Variants in ANXA6 observed in about 807,000 individuals in gnomAD.
ANXA6 encodes 67 kDa calelectrin.
A neutral mutation model predicts 95.4 loss-of-function variants in ANXA6; 71 were observed. The observed-to-expected ratio is 0.74, with a 90% CI of 0.61 to 0.91. The LOEUF (loss-of-function observed/expected upper bound fraction) is 0.91, where lower values mean the gene tolerates loss of function less well. Among genes scored for constraint, ANXA6 ranks in the 40% least tolerant of loss-of-function variants. The probability of loss-of-function intolerance (pLI) is 0.00; values close to 1 mark genes in which losing one functional copy is unlikely to be tolerated. For synonymous variants in ANXA6, 289 were observed against 315.9 expected, an observed-to-expected ratio of 0.91 and a Z score of 0.90; for missense variants, 830 against 876.4, an observed-to-expected ratio of 0.95 and a Z score of 0.67.
At position 151,108,313 on chromosome 5, in the gene ANXA6, A is replaced by T. The variant is rs1764754804; in HGVS notation, c.1780+142T>A. ...TCATGACATTCCTGCACAATCACAC[A>T]TTTGGCAGCACCCCTGGAGGCGAAC... On this transcript the variant is annotated intron_variant, in intron 23 of 25. Transcript: ENST00000354546. The T allele has an allele frequency of 4.0e-6, 3 of 742,096 alleles. No homozygotes were observed. The African/African-American group carries it at 5.2e-5, about 13-fold the overall frequency. 46.0% of individuals were successfully genotyped at this position (742,096 alleles called of 1,614,324 possible). A position where few individuals can be genotyped will look rare whatever the true frequency, so the allele number is the denominator to read the frequency against.
chr5:151,115,561 A>T (rs533710436), intron 20 of ANXA6, among the ~76,000 whole-genome samples: 1 of 152,204 alleles, frequency 6.6e-6, no homozygotes, highest in Admixed American at 6.5e-5. Flanking sequence ...TCCCTGGAAG[A>T]TCAATTCAGG....
At chr5:151,117,981 G>A (rs1765052836) in intron 18 of ANXA6, 144 bp from the exon 19 acceptor site, 1 of 646,444 alleles carries the variant, frequency 1.5e-6, no homozygotes, top group Non-Finnish European at 2.8e-6. Flanking sequence ...TGGCTCATGG[G>A]GGCATCCAGC....
chr5:151,109,907 T>C lies in ANXA6; in HGVS notation c.1591-61A>G, dbSNP rs1318178424. The C allele has an allele frequency of 1.0e-5, 13 of 1,295,548 alleles. No individual in the cohort carries two copies. The East Asian group carries it at 3.0e-4, about 30-fold the overall frequency. 80.3% of individuals were successfully genotyped at this position (1,295,548 alleles called of 1,614,324 possible). Reference sequence around the variant, plus strand: ...GGAGACATGAGAAAGCCTTGGTTATTATTCACTTTCATGTCTTTGCCTGGG... The same window carrying C: ...GGAGACATGAGAAAGCCTTGGTTATCATTCACTTTCATGTCTTTGCCTGGG... On this transcript the variant is annotated intron_variant, in intron 21 of 25. Transcript: ENST00000354546.
rs550577378 is a variant in ANXA6 at position 151,129,835 on chromosome 5, T to C, written c.796-306A>G. Among the ~76,000 whole-genome samples the C allele has an allele frequency of 4.5e-3, 685 of 152,146 alleles. 8 individuals carry two copies. The highest frequency in any genetic ancestry group is 0.015 in the African/African-American group (630 of 41,528). ...AAGCAATTCTCCTGCCTCAGCTTCC[T>C]GAGCAGCTGGGAGTACAGGTACCCA... On this transcript the variant is annotated intron_variant, in intron 11 of 25. Coordinates refer to ENST00000354546, the MANE Select transcript of ANXA6 (RefSeq NM_001155.5).
chr5:151,140,389 G>A (rs1582012923), intron 2 of ANXA6, 146 bp from the exon 3 acceptor site: 1 of 693,086 alleles, frequency 1.4e-6, no homozygotes, highest in East Asian at 2.7e-5. Context: ...ACCCTGGGGA[G>A]CGGTGTGGAT....
At chr5:151,154,346 A>T (rs1766182412) in intron 1 of ANXA6, among the ~76,000 whole-genome samples, 1 of 149,812 alleles carries the variant, frequency 6.7e-6, no homozygotes, top group African/African-American at 2.5e-5. Flanking sequence ...TCCCATACAC[A>T]ACCCATAACC....
chr5:151,144,050 G>T (rs898534717), intron 2 of ANXA6, among the ~76,000 whole-genome samples: 3 of 152,176 alleles, frequency 2.0e-5, no homozygotes, highest in African/African-American at 7.2e-5. Flanking sequence ...TAGAAGCGGG[G>T]AAGGCAAAGA....
At chr5:151,154,321 ATATATATATATT>A (rs934421428) in intron 1 of ANXA6, among the ~76,000 whole-genome samples, 7 of 86,326 alleles carry the variant, frequency 8.1e-5, no homozygotes, top group African/African-American at 2.4e-4. Context: ...ATATATATAT[ATATATATATATT>A]GATCCCATAC....
chr5:151,122,217 G>A lies in ANXA6; in HGVS notation c.1277C>T (p.Ala426Val). 1 of 1,605,120 alleles carries A rather than the reference G, an allele frequency of 6.2e-7. No individual in the cohort carries two copies. The highest frequency in any genetic ancestry group is 8.5e-7 in the Non-Finnish European group (1 of 1,176,762). ...CATCATGAGCCCCAGAATCAGCCTT[G>A]CCAGGTCTCCAGAGATCTCAGACTT... ...DLKSEISGDL[A>V]RLILGLMMPP... Residue 426 changes from alanine (A) to valine (V), a missense_variant, in exon 17 of 26, where the codon GCA becomes GTA. Physicochemically the swap from Ala to Val is moderately conservative, Grantham distance 64 (BLOSUM62 0). Coordinates refer to ENST00000354546, the MANE Select transcript of ANXA6 (RefSeq NM_001155.5).
rs757796274 is a variant in ANXA6 at position 151,136,232 on chromosome 5, G to T, written c.489+24C>A. Reference sequence around the variant, plus strand: ...ACAAAAGCTATCCCAAGCTCCAGAGGAAAAAAATAGGCTGTGAACCAACCT... The same window carrying T: ...ACAAAAGCTATCCCAAGCTCCAGAGTAAAAAAATAGGCTGTGAACCAACCT... On this transcript the variant is annotated intron_variant, in intron 7 of 25. Coordinates refer to ENST00000354546, the MANE Select transcript of ANXA6 (RefSeq NM_001155.5). 1.4e-5 allele frequency: 22 copies of T among 1,612,264 alleles called. No individual in the cohort carries two copies. In the South Asian group the frequency reaches 2.3e-4, roughly 17 times the overall value.
chr5:151,142,785 G>A (rs2113950432), intron 2 of ANXA6, among the ~76,000 whole-genome samples: 1 of 152,330 alleles, frequency 6.6e-6, no homozygotes, highest in South Asian at 2.1e-4. Flanking sequence ...AGACCTCCCT[G>A]GCACTGGATC....
chr5:151,153,940 C>A (rs1766169757), intron 1 of ANXA6, among the ~76,000 whole-genome samples: 3 of 152,126 alleles, frequency 2.0e-5, no homozygotes, highest in Admixed American at 2.0e-4. Context: ...CTCTTTCCTG[C>A]ACCCCCTCCC....
chr5:151,105,693 A>C (rs1764677839), intron 23 of ANXA6, among the ~76,000 whole-genome samples: 1 of 152,198 alleles, frequency 6.6e-6, no homozygotes. Context: ...AGATTTTGGA[A>C]AGATTTTGAG....
At chr5:151,140,904 G>C (rs566506252) in intron 2 of ANXA6, among the ~76,000 whole-genome samples, 1 of 151,844 alleles carries the variant, frequency 6.6e-6, no homozygotes, top group East Asian at 1.9e-4. Context: ...CTCCAGCCCC[G>C]CTCTGCTCTC....
At chr5:151,127,021 G>C (rs1765344672) in intron 13 of ANXA6, among the ~76,000 whole-genome samples, 1 of 152,238 alleles carries the variant, frequency 6.6e-6, no homozygotes, top group South Asian at 2.1e-4. Context: ...TCCGGCCAAT[G>C]CTGGCTTTTA....
intron 18 of ANXA6, among the ~76,000 whole-genome samples, chr5:151,118,303 A>G (rs909942372): frequency 2.0e-5 from 3 of 150,132 alleles, no homozygotes; most frequent in African/African-American, 7.4e-5. Flanking sequence ...TCTGTCACCC[A>G]GGCTGGAGTG....
At chr5:151,145,435 A>G (rs1161730563) in intron 2 of ANXA6, among the ~76,000 whole-genome samples, 2 of 152,288 alleles carry the variant, frequency 1.3e-5, no homozygotes, top group Non-Finnish European at 2.9e-5. Context: ...TGTGAAATGG[A>G]GGCCACAGCG....
intron 9 of ANXA6, 62 bp from the exon 10 acceptor site, chr5:151,132,633 G>C (rs956075848): frequency 2.7e-5 from 38 of 1,415,280 alleles, no homozygotes; most frequent in Non-Finnish European, 3.5e-5. Flanking sequence ...GAAGAAATGA[G>C]GACTTCAAGA....
chr5:151,135,732 G>T (rs1022059134), intron 7 of ANXA6, among the ~76,000 whole-genome samples: 2 of 152,212 alleles, frequency 1.3e-5, no homozygotes, highest in African/African-American at 4.8e-5. Context: ...CAGAAATCTG[G>T]TTTTTGAGCA....
Sources: allele counts gnomAD v4.1 joint callset (sites outside exome capture counted in the v4.1 genomes callset), GRCh38; gene constraint gnomAD v4.1.1; transcripts MANE v1.5; gene names NCBI Gene and HGNC (gene_info 2026-07-23, HGNC 2026-07-21).